Variants in CNKSR2 observed in about 807,000 individuals in gnomAD.
The protein encoded by CNKSR2 is connector enhancer of kinase suppressor of Ras 2.
In CNKSR2, 14 loss-of-function variants were observed where a neutral mutation model predicts 84.4. The ratio of observed to expected loss-of-function variants is 0.17; its 90% confidence interval spans 0.11 to 0.26. CNKSR2 has a LOEUF of 0.26. Ranked by LOEUF, CNKSR2 falls within the 10% of genes least tolerant of loss-of-function variation. CNKSR2 has a pLI of 1.00. For missense variants in CNKSR2, 485 were observed against 771.2 expected, an observed-to-expected ratio of 0.63 and a Z score of 4.40; for synonymous variants, 275 against 277.9, an observed-to-expected ratio of 0.99 and a Z score of 0.10.
chrX:21,493,863 G>C (rs1237438773), intron 6 of CNKSR2: 2 of 111,657 alleles, frequency 1.8e-5, no homozygotes, highest in Non-Finnish European at 3.8e-5. Flanking sequence ...ATTAAAAGCA[G>C]TTACAACATG....
chrX:21,576,217 A>G (rs958918234), intron 13 of CNKSR2, among the ~76,000 whole-genome samples: 7 of 112,552 alleles, frequency 6.2e-5, no homozygotes, highest in African/African-American at 2.3e-4. Flanking sequence ...AAATAATACA[A>G]AATATGTTCT....
chrX:21,480,914 A>G lies in CNKSR2; in HGVS notation c.562-9545A>G, dbSNP rs1190334521. Among the ~76,000 whole-genome samples the G allele has an allele frequency of 2.7e-5, 3 of 112,179 alleles. No individual in the cohort carries two copies. In the East Asian group the frequency reaches 8.4e-4, roughly 31 times the overall value. On this transcript the variant is annotated intron_variant, in intron 5 of 21. Transcript: ENST00000379510. ...ATATTTGATATTTACTTGCCAAACA[A>G]TGTTCAAAGCACAGTGGTTAAGCAC...
chrX:21,419,312 G>C (rs2090463157), intron 1 of CNKSR2, among the ~76,000 whole-genome samples: 1 of 110,664 alleles, frequency 9.0e-6, no homozygotes, highest in Non-Finnish European at 1.9e-5. Context: ...GTGTTATCTT[G>C]AAATTTCTTT....
intron 13 of CNKSR2, among the ~76,000 whole-genome samples, chrX:21,569,152 ATAACT>A (rs1373172184): frequency 4.5e-5 from 5 of 111,865 alleles, no homozygotes; most frequent in African/African-American, 6.5e-5. Context: ...AACAATGTAC[ATAACT>A]TAATTAGGAA....
intron 4 of CNKSR2, among the ~76,000 whole-genome samples, chrX:21,458,472 G>A (rs757793385): frequency 5.4e-5 from 6 of 112,097 alleles, no homozygotes; most frequent in Non-Finnish European, 1.1e-4. Context: ...ACAATAAGTG[G>A]TAAATGGATG....
Position 21,584,360 on chromosome X carries a change from T to C in CNKSR2, c.1609-6212T>C, listed in dbSNP as rs774869752. Among the ~76,000 whole-genome samples, 5 of 112,589 alleles carry C rather than the reference T, an allele frequency of 4.4e-5. No individual in the cohort carries two copies. The East Asian group carries it at 1.4e-3, about 31-fold the overall frequency. ...AACATCCATTCACATAACCAGTATTTATTGAGTGCCTACTGTGCTAAGTCT... is the reference window on the plus strand; with the variant it reads ...AACATCCATTCACATAACCAGTATTCATTGAGTGCCTACTGTGCTAAGTCT... On this transcript the variant is annotated intron_variant, in intron 13 of 21. Coordinates refer to ENST00000379510, the MANE Select transcript of CNKSR2 (RefSeq NM_014927.5).
At chrX:21,543,609 AG>A (rs1425915518) in intron 11 of CNKSR2, among the ~76,000 whole-genome samples, 1 of 111,976 alleles carries the variant, frequency 8.9e-6, no homozygotes, top group Non-Finnish European at 1.9e-5. Context: ...GAAATGGAAG[AG>A]CATGAATTAT....
chrX:21,581,409 G>C (rs763363559), intron 13 of CNKSR2, among the ~76,000 whole-genome samples: 1 of 111,896 alleles, frequency 8.9e-6, no homozygotes, highest in Non-Finnish European at 1.9e-5. Context: ...CCATGGTGTT[G>C]CTTCATTGGT....
chrX:21,560,102 A>G (rs1247428602), intron 11 of CNKSR2, among the ~76,000 whole-genome samples: 4 of 111,641 alleles, frequency 3.6e-5, no homozygotes, highest in Non-Finnish European at 3.8e-5. Context: ...GAAAAGTGGT[A>G]TGACAGGTAT....
intron 8 of CNKSR2, among the ~76,000 whole-genome samples, chrX:21,507,277 A>G (rs1225546116): frequency 9.0e-6 from 1 of 111,372 alleles, no homozygotes; most frequent in Admixed American, 9.6e-5. Context: ...TGTAGGTAAC[A>G]TAGCCACTCA....
At chrX:21,584,831 A>C (rs1490876945) in intron 13 of CNKSR2, among the ~76,000 whole-genome samples, 2 of 111,417 alleles carry the variant, frequency 1.8e-5, no homozygotes, top group East Asian at 5.6e-4. Context: ...CCTTCAAGTC[A>C]TTGAAAGGAT....
Position 21,628,587 on chromosome X carries a change from C to G in CNKSR2, c.2692+18970C>G, listed in dbSNP as rs377114165. On this transcript the variant is annotated intron_variant, in intron 20 of 21. Transcript: ENST00000379510. The stretch of plus-strand genomic sequence containing the variant: ...CTTCTGTGCACCCACAGGCTGAACA[C>G]CACAGGAAGCTGCCAAGGCTTGGGG... Among the ~76,000 whole-genome samples the G allele has an allele frequency of 9.8e-5, 11 of 112,149 alleles. 1 individual carries two copies. The highest frequency in any genetic ancestry group is 8.4e-4 in the East Asian group (3 of 3,566).
At chrX:21,385,000 G>A (rs1406358298) in intron 1 of CNKSR2, among the ~76,000 whole-genome samples, 4 of 111,808 alleles carry the variant, frequency 3.6e-5, no homozygotes, top group African/African-American at 6.5e-5. Flanking sequence ...TAGGTTTGAC[G>A]TCAACTTTTC....
chrX:21,460,573 A>C (rs950028857), intron 4 of CNKSR2, among the ~76,000 whole-genome samples: 1 of 111,687 alleles, frequency 9.0e-6, no homozygotes, highest in African/African-American at 3.3e-5. Flanking sequence ...AGTTATTTTT[A>C]AGTGTACAAT....
intron 13 of CNKSR2, among the ~76,000 whole-genome samples, chrX:21,575,899 C>G (rs779579457): frequency 1.8e-5 from 2 of 112,233 alleles, no homozygotes; most frequent in Non-Finnish European, 3.8e-5. Context: ...ACATGACAAT[C>G]TTAAACATGT....
intron 5 of CNKSR2, among the ~76,000 whole-genome samples, chrX:21,481,315 C>G (rs2091317236): frequency 8.9e-6 from 1 of 111,918 alleles, no homozygotes; most frequent in Admixed American, 9.5e-5. Flanking sequence ...ACTATTCAGT[C>G]TGAGGCTTTT....
chrX:21,544,827 A>T (rs1378254917), intron 11 of CNKSR2, among the ~76,000 whole-genome samples: 2 of 111,195 alleles, frequency 1.8e-5, no homozygotes, highest in Non-Finnish European at 3.8e-5. Context: ...GCCATGAGGG[A>T]CTATGCCATG....
chrX:21,614,725 T>C (rs932192691), intron 20 of CNKSR2, among the ~76,000 whole-genome samples: 5 of 111,765 alleles, frequency 4.5e-5, no homozygotes, highest in African/African-American at 1.6e-4. Context: ...AGATTTTTAA[T>C]TACACCTCCA....
intron 20 of CNKSR2, chrX:21,642,896 G>C (rs967397650): frequency 8.0e-5 from 54 of 678,022 alleles, no homozygotes; most frequent in Non-Finnish European, 8.7e-5. Context: ...CCATTTTAAT[G>C]TGTTTTTTAA....
Sources: gnomAD v4.1 joint callset for allele counts (sites outside exome capture counted in the v4.1 genomes callset) on GRCh38, gnomAD v4.1.1 for gene constraint, MANE v1.5 for transcripts, NCBI Gene and HGNC (gene_info 2026-07-23, HGNC 2026-07-21) for gene names.